Variants in CDH18 observed in about 807,000 individuals in gnomAD.
CDH18 encodes the protein cadherin-18.
CDH18 carries 31 observed loss-of-function variants against 67.9 expected under a neutral mutation model. The observed-to-expected ratio is 0.46, with a 90% CI of 0.34 to 0.62. The LOEUF (loss-of-function observed/expected upper bound fraction) is 0.62. Ranked by LOEUF, CDH18 falls within the 20% of genes least tolerant of loss-of-function variation. CDH18 has a pLI of 0.01. For missense variants in CDH18, 890 were observed against 975.5 expected, an observed-to-expected ratio of 0.91 and a Z score of 1.17; for synonymous variants, 362 against 347.2, an observed-to-expected ratio of 1.04 and a Z score of -0.48.
At chr5:20,265,594 A>G (rs974399290) in intron 1 of CDH18, among the ~76,000 whole-genome samples, 1 of 152,046 alleles carries the variant, frequency 6.6e-6, no homozygotes, top group Non-Finnish European at 1.5e-5. Flanking sequence ...TAAAAAAAAA[A>G]TTACATTTAT....
chr5:20,347,095 A>G (rs1344050309), intron 1 of CDH18, among the ~76,000 whole-genome samples: 1 of 152,178 alleles, frequency 6.6e-6, no homozygotes, highest in Non-Finnish European at 1.5e-5. Flanking sequence ...CTGGAGATAT[A>G]TGAAATACCA....
At chr5:20,459,376 A>G (rs1356067646) in intron 1 of CDH18, among the ~76,000 whole-genome samples, 1 of 152,220 alleles carries the variant, frequency 6.6e-6, no homozygotes, top group Non-Finnish European at 1.5e-5. Flanking sequence ...TCCCAAAGCC[A>G]TATTACAGGG....
chr5:20,176,724 T>G (rs570351933), intron 2 of CDH18, among the ~76,000 whole-genome samples: 1 of 152,306 alleles, frequency 6.6e-6, no homozygotes, highest in South Asian at 2.1e-4. Context: ...AAGACAGATG[T>G]GGCCTATAAA....
intron 2 of CDH18, among the ~76,000 whole-genome samples, chr5:20,248,693 T>C (rs1743573433): frequency 1.3e-5 from 2 of 152,218 alleles, no homozygotes; most frequent in Admixed American, 1.3e-4. Context: ...CCATGCTGAT[T>C]GTTGGATGGC....
chr5:19,785,781 A>G (rs554798036), intron 3 of CDH18, among the ~76,000 whole-genome samples: 1 of 141,128 alleles, frequency 7.1e-6, no homozygotes, highest in East Asian at 2.1e-4. Flanking sequence ...TTTCATGAAG[A>G]TTAAATAAGG....
intron 2 of CDH18, among the ~76,000 whole-genome samples, chr5:19,923,016 T>C (rs1028157646): frequency 6.6e-6 from 1 of 152,198 alleles, no homozygotes; most frequent in Non-Finnish European, 1.5e-5. Context: ...AAGTGACGTC[T>C]CTGTACCATC....
intron 1 of CDH18, among the ~76,000 whole-genome samples, chr5:20,546,672 C>T (rs1757362400): frequency 6.6e-6 from 1 of 151,952 alleles, no homozygotes; most frequent in Non-Finnish European, 1.5e-5. Flanking sequence ...CACATCCCTC[C>T]CTGGATATGT....
chr5:20,436,887 T>G (rs1397897035), intron 1 of CDH18, among the ~76,000 whole-genome samples: 1 of 151,614 alleles, frequency 6.6e-6, no homozygotes, highest in Non-Finnish European at 1.5e-5. Context: ...TCATAAATTA[T>G]TATTCTATGA....
chr5:19,983,352 A>G (rs971502177), intron 1 of CDH18, among the ~76,000 whole-genome samples: 1 of 152,158 alleles, frequency 6.6e-6, no homozygotes, highest in Non-Finnish European at 1.5e-5. Flanking sequence ...GAGAATCCTT[A>G]TGATCATCTA....
In CDH18 at chr5:19,472,309, T is replaced by G. The variant is rs1737715748; in HGVS notation, c.*917A>C. Among the ~76,000 whole-genome samples, 1 of 152,020 alleles carries G rather than the reference T, an allele frequency of 6.6e-6. No individual in the cohort carries two copies. Among genetic ancestry groups the G allele is most frequent in the Admixed American group, 6.6e-5 (1 of 15,228 alleles). On this transcript the variant is annotated 3_prime_UTR_variant, in exon 13 of 13. Coordinates refer to ENST00000382275, the MANE Select transcript of CDH18 (RefSeq NM_004934.5). ...AGCCAGCAAAATATTTGACAATTAA[T>G]TTTAAATAGAGAAATGACCAAAATT...
chr5:19,882,937 T>C (rs1787809840), intron 2 of CDH18, among the ~76,000 whole-genome samples: 2 of 152,216 alleles, frequency 1.3e-5, no homozygotes, highest in East Asian at 1.9e-4. Flanking sequence ...ATTACTATTA[T>C]ATTTATATGA....
intron 2 of CDH18, among the ~76,000 whole-genome samples, chr5:20,191,857 C>G (rs1738568959): frequency 6.6e-6 from 1 of 152,036 alleles, no homozygotes. Flanking sequence ...GATGTATATT[C>G]TTTTGGGTAT....
chr5:19,623,717 C>A (rs888133174), intron 5 of CDH18, among the ~76,000 whole-genome samples: 10 of 151,366 alleles, frequency 6.6e-5, no homozygotes, highest in African/African-American at 2.2e-4. Flanking sequence ...ACTTGGAATA[C>A]GTGTTGTTGA....
intron 2 of CDH18, among the ~76,000 whole-genome samples, chr5:19,852,423 T>A (rs1261802594): frequency 6.6e-6 from 1 of 152,030 alleles, no homozygotes; most frequent in African/African-American, 2.4e-5. Flanking sequence ...GTAACCGTTC[T>A]CATTGTTTAC....
intron 7 of CDH18, among the ~76,000 whole-genome samples, chr5:19,581,484 T>C (rs1014970858): frequency 5.9e-5 from 9 of 152,000 alleles, no homozygotes; most frequent in African/African-American, 2.2e-4. Flanking sequence ...TATATAACCA[T>C]TATAAATACA....
intron 2 of CDH18, among the ~76,000 whole-genome samples, chr5:19,908,341 TA>T (rs1268377073): frequency 2.0e-5 from 3 of 152,152 alleles, no homozygotes; most frequent in African/African-American, 7.2e-5. Flanking sequence ...TAATCTCATT[TA>T]ACTAAAAATG....
intron 5 of CDH18, among the ~76,000 whole-genome samples, chr5:19,639,305 G>A (rs1753703771): frequency 6.6e-6 from 1 of 151,988 alleles, no homozygotes; most frequent in Non-Finnish European, 1.5e-5. Context: ...CCGGCCTGAT[G>A]GCTGGGAAGT....
chr5:20,158,257 A>G (rs910511439), intron 2 of CDH18, among the ~76,000 whole-genome samples: 1 of 152,184 alleles, frequency 6.6e-6, no homozygotes, highest in African/African-American at 2.4e-5. Flanking sequence ...CAAGAGAAAA[A>G]TAAAATGGAC....
chr5:19,656,595 A>C (rs1879485), intron 5 of CDH18, among the ~76,000 whole-genome samples: 31,384 of 151,986 alleles, frequency 0.21, 3,778 homozygotes, highest in Non-Finnish European at 0.26. Context: ...TAAATATATA[A>C]AATGTCAGGT....
Sources: allele counts gnomAD v4.1 joint callset (sites outside exome capture counted in the v4.1 genomes callset), GRCh38; gene constraint gnomAD v4.1.1; transcripts MANE v1.5; gene names NCBI Gene and HGNC (gene_info 2026-07-23, HGNC 2026-07-21).